The following TP53BP1 variants were observed in gnomAD, a reference collection of about 807,000 sequenced individuals.
TP53BP1 encodes the protein TP53-binding protein 1.
In TP53BP1, 61 loss-of-function variants were observed where a neutral mutation model predicts 200.8. That is an observed-to-expected ratio of 0.30 (90% CI 0.25 to 0.38). TP53BP1 has a LOEUF of 0.38. Ranked by LOEUF, TP53BP1 falls within the 10% of genes least tolerant of loss-of-function variation. The pLI is 1.00. For synonymous variants in TP53BP1, 822 were observed against 844.3 expected, an observed-to-expected ratio of 0.97 and a Z score of 0.46; for missense variants, 2,144 against 2,371.9, an observed-to-expected ratio of 0.90 and a Z score of 2.00.
intron 4 of TP53BP1, among the ~76,000 whole-genome samples, chr15:43,484,388 T>C (rs1303938135): frequency 6.6e-6 from 1 of 152,198 alleles, no homozygotes; most frequent in Non-Finnish European, 1.5e-5. Context: ...ATAGTTTCCT[T>C]GTTGGTCTTC....
rs2045589555 is a variant in TP53BP1 at position 43,428,078 on chromosome 15, T to A, written c.3766A>T (p.Thr1256Ser). ...TAATACACATCTGTAATGACACGAG[T>A]GACAAGTGTGCGTACTTCCCGGATT... The part of the protein sequence containing the change: ...RTIREVRTLV[T>S]RVITDVYYVD... Residue 1256 changes from threonine (T) to serine (S), a missense_variant, in exon 18 of 28, where the codon ACT (threonine) becomes TCT (serine). Transcript: ENST00000382044. 1.2e-6 allele frequency: 2 copies of A among 1,613,078 alleles called. No homozygotes were observed. The highest frequency in any genetic ancestry group is 1.3e-5 in the African/African-American group (1 of 74,872).
At chr15:43,452,818 C>T (rs2143008257) in intron 12 of TP53BP1, among the ~76,000 whole-genome samples, 1 of 152,158 alleles carries the variant, frequency 6.6e-6, no homozygotes, top group Admixed American at 6.5e-5. Context: ...TGCCAATTAA[C>T]AATGTAAACA....
intron 7 of TP53BP1, among the ~76,000 whole-genome samples, chr15:43,478,460 C>G (rs2078915099): frequency 6.6e-6 from 1 of 152,132 alleles, no homozygotes; most frequent in South Asian, 2.1e-4. Flanking sequence ...AGGACACTCT[C>G]TCCCCACTCT....
chr15:43,460,844 G>A, intron 11 of TP53BP1, among the ~76,000 whole-genome samples: 1 of 149,410 alleles, frequency 6.7e-6, no homozygotes, highest in Admixed American at 6.7e-5. Context: ...GCAACAAAGT[G>A]AGACCCTGTC....
chr15:43,459,143 G>C (rs1304767066), intron 11 of TP53BP1, among the ~76,000 whole-genome samples: 1 of 152,102 alleles, frequency 6.6e-6, no homozygotes, highest in Non-Finnish European at 1.5e-5. Flanking sequence ...TTCGAGGTCA[G>C]CCTGGCCAAC....
chr15:43,458,905 A>G (rs994217583), intron 11 of TP53BP1, among the ~76,000 whole-genome samples: 3 of 152,234 alleles, frequency 2.0e-5, no homozygotes, highest in Non-Finnish European at 4.4e-5. Flanking sequence ...GAAAAACAGT[A>G]TGGCAGTATC....
At chr15:43,453,001 T>C (rs2143008340) in intron 12 of TP53BP1, among the ~76,000 whole-genome samples, 1 of 152,090 alleles carries the variant, frequency 6.6e-6, no homozygotes, top group South Asian at 2.1e-4. Context: ...GAGACCATCC[T>C]GGCTAACACG....
At chr15:43,413,509 G>A (rs917839831) in intron 23 of TP53BP1, among the ~76,000 whole-genome samples, 175 bp from the exon 24 acceptor site, 10 of 152,256 alleles carry the variant, frequency 6.6e-5, no homozygotes, top group African/African-American at 2.4e-4. Flanking sequence ...CTAAATGGCC[G>A]ACAGCCTAGG....
At chr15:43,483,959 C>T (rs183175265) in intron 4 of TP53BP1, among the ~76,000 whole-genome samples, 1 of 152,316 alleles carries the variant, frequency 6.6e-6, no homozygotes, top group Admixed American at 6.5e-5. Flanking sequence ...TAGAATACTA[C>T]CTATCTGCTT....
At chr15:43,436,179 C>T (rs1168018711) in intron 16 of TP53BP1, among the ~76,000 whole-genome samples, 1 of 151,892 alleles carries the variant, frequency 6.6e-6, no homozygotes, top group East Asian at 1.9e-4. Context: ...TTTGTAGAGA[C>T]GAAGTTTCAC....
chr15:43,506,166 TATG>T (rs1246385924), intron 1 of TP53BP1, among the ~76,000 whole-genome samples: 8 of 152,202 alleles, frequency 5.3e-5, no homozygotes. Context: ...TTGAAAGAAT[TATG>T]ATGTTCTTCT....
intron 11 of TP53BP1, among the ~76,000 whole-genome samples, chr15:43,466,445 TTAA>T (rs1309459629): frequency 6.6e-6 from 1 of 152,202 alleles, no homozygotes; most frequent in Non-Finnish European, 1.5e-5. Context: ...TGAAAAACTA[TTAA>T]TAATATGTCA....
At chr15:43,477,475 T>C (rs2140115613) in intron 8 of TP53BP1, 118 bp downstream of exon 8, 3 of 959,776 alleles carry the variant, frequency 3.1e-6, no homozygotes, top group African/African-American at 1.7e-5. Flanking sequence ...TTTCCTTCCA[T>C]ATCACAAACA....
At chr15:43,432,144 C>G in intron 17 of TP53BP1, 50 bp downstream of exon 17, 1 of 1,560,802 alleles carries the variant, frequency 6.4e-7, no homozygotes, top group Non-Finnish European at 8.7e-7. Flanking sequence ...CTCTGAGAAT[C>G]CTGAAAGTTA....
intron 12 of TP53BP1, among the ~76,000 whole-genome samples, chr15:43,454,929 C>T (rs1490394542): frequency 2.6e-5 from 4 of 152,006 alleles, no homozygotes; most frequent in African/African-American, 9.7e-5. Flanking sequence ...TGGGTTTCAC[C>T]ATGTTAGCCA....
chr15:43,477,442 C>T (rs2078900532), intron 8 of TP53BP1, 151 bp downstream of exon 8: 1 of 632,750 alleles, frequency 1.6e-6, no homozygotes, highest in Admixed American at 3.1e-5. Context: ...AAAAGCCCTT[C>T]TCACTAATTA....
chr15:43,492,619 C>A (rs1203526546), intron 1 of TP53BP1, among the ~76,000 whole-genome samples, 151 bp from the exon 2 acceptor site: 1 of 152,142 alleles, frequency 6.6e-6, no homozygotes. Flanking sequence ...ATAATTGCTG[C>A]AAGCACTTTC....
chr15:43,408,164 G>C (rs1380531116), intron 26 of TP53BP1, 76 bp from the exon 27 acceptor site: 3 of 1,435,166 alleles, frequency 2.1e-6, no homozygotes, highest in East Asian at 4.6e-5. Context: ...AGGGACTCAT[G>C]TACATCTGAA....
intron 16 of TP53BP1, among the ~76,000 whole-genome samples, chr15:43,435,086 C>T (rs1032931150): frequency 2.0e-5 from 3 of 151,902 alleles, no homozygotes; most frequent in African/African-American, 7.3e-5. Flanking sequence ...CACGGCAAAA[C>T]CCCGTCTCTA....
Sources: allele counts gnomAD v4.1 joint callset (sites outside exome capture counted in the v4.1 genomes callset), GRCh38; gene constraint gnomAD v4.1.1; transcripts MANE v1.5; gene names NCBI Gene and HGNC (gene_info 2026-07-23, HGNC 2026-07-21).